The following UTRN variants were observed in gnomAD, a reference collection of about 807,000 sequenced individuals.
UTRN encodes the protein dystrophin-related protein 1.
Under a neutral mutation model 463.9 loss-of-function variants are expected in UTRN, and 283 were observed. The ratio of observed to expected loss-of-function variants is 0.61; its 90% CI spans 0.55 to 0.67. UTRN has a LOEUF of 0.67. UTRN is among the 30% of genes least tolerant of loss of function. The probability of loss-of-function intolerance (pLI) is 0.00; values close to 1 mark genes in which losing one functional copy is unlikely to be tolerated. For missense variants in UTRN, 3,922 were observed against 4,084.3 expected, an observed-to-expected ratio of 0.96 and a Z score of 1.08; for synonymous variants, 1,442 against 1,431.5, an observed-to-expected ratio of 1.01 and a Z score of -0.17.
chr6:144,419,593 C>T (rs1471718428), intron 3 of UTRN, among the ~76,000 whole-genome samples: 1 of 152,138 alleles, frequency 6.6e-6, no homozygotes, highest in Non-Finnish European at 1.5e-5. Flanking sequence ...ATTCGAGACC[C>T]AAACCTCAGT....
chr6:144,525,078 A>G lies in UTRN; in HGVS notation c.5906+1890A>G, dbSNP rs532190649. 5.3e-5 allele frequency among the ~76,000 whole-genome samples: 8 copies of G among 152,164 alleles called. No homozygotes were observed. The South Asian group carries it at 1.5e-3, about 28-fold the overall frequency. On this transcript the variant is annotated intron_variant, in intron 41 of 74. Transcript: ENST00000367545. ...TGGTTTATTGTCTTTTTGATATACT[A>G]TTGGATTCAGTTAGCTAGTATTTTG... is the stretch of plus-strand genomic sequence containing the variant.
intron 51 of UTRN, among the ~76,000 whole-genome samples, chr6:144,657,160 G>A (rs1779393126): frequency 6.8e-6 from 1 of 148,124 alleles, no homozygotes; most frequent in African/African-American, 2.5e-5. Flanking sequence ...TGAGGCAGGA[G>A]AATCGCTTGA....
intron 52 of UTRN, among the ~76,000 whole-genome samples, chr6:144,697,002 C>T (rs185443775): frequency 6.6e-6 from 1 of 152,134 alleles, no homozygotes; most frequent in East Asian, 1.9e-4. Context: ...GATGAAGTAC[C>T]ATTTTTATGG....
At chr6:144,374,488 A>C (rs184761234) in intron 2 of UTRN, among the ~76,000 whole-genome samples, 5 of 149,642 alleles carry the variant, frequency 3.3e-5, no homozygotes, top group African/African-American at 7.4e-5. Flanking sequence ...CTAAAAACAC[A>C]ATTTTTTTTT....
intron 63 of UTRN, among the ~76,000 whole-genome samples, chr6:144,795,358 A>G (rs9386082): frequency 0.11 from 16,423 of 152,200 alleles, 1,242 homozygotes; most frequent in East Asian, 0.45. Context: ...TTATAGTAGA[A>G]TGATTTATAA....
At chr6:144,473,255 G>T (rs899473000) in intron 23 of UTRN, among the ~76,000 whole-genome samples, 2 of 152,150 alleles carry the variant, frequency 1.3e-5, no homozygotes, top group Non-Finnish European at 2.9e-5. Flanking sequence ...GGACTGTCTT[G>T]AGTTCTCAGA....
chr6:144,710,092 C>G (rs2128703143), intron 53 of UTRN, among the ~76,000 whole-genome samples: 1 of 152,298 alleles, frequency 6.6e-6, no homozygotes, highest in Admixed American at 6.5e-5. Flanking sequence ...AAGCCCTGTG[C>G]TTGTGGTTTG....
At chr6:144,772,281 G>A (rs886926013) in intron 59 of UTRN, among the ~76,000 whole-genome samples, 73 of 152,002 alleles carry the variant, frequency 4.8e-4, no homozygotes, top group African/African-American at 1.5e-3. Context: ...CAATCCACCC[G>A]CCTCGGCCTC....
chr6:144,587,890 C>A (rs916374944), intron 51 of UTRN, among the ~76,000 whole-genome samples: 3 of 152,142 alleles, frequency 2.0e-5, no homozygotes, highest in Non-Finnish European at 4.4e-5. Context: ...AGAATTCCCA[C>A]TTGATCATAT....
chr6:144,764,534 A>G (rs1416582814), intron 58 of UTRN, among the ~76,000 whole-genome samples: 2 of 152,148 alleles, frequency 1.3e-5, no homozygotes, highest in African/African-American at 4.8e-5. Context: ...TTTTTAGGGT[A>G]AGGGATGCAG....
chr6:144,659,677 C>T (rs186789379), intron 51 of UTRN, among the ~76,000 whole-genome samples: 2,040 of 151,730 alleles, frequency 0.013, 42 homozygotes, highest in African/African-American at 0.047. Context: ...TCGAACTCTA[C>T]ATAAGTCATG....
rs12193726 is a variant in UTRN at position 144,489,667 on chromosome 6, G to T, written c.4135-404G>T. 3.8e-3 allele frequency among the ~76,000 whole-genome samples: 582 copies of T among 152,092 alleles called. 3 individuals are homozygous for T. Among genetic ancestry groups the T allele is most frequent in the African/African-American group, 0.014 (565 of 41,484 alleles). On this transcript the variant is annotated intron_variant, in intron 30 of 74. Coordinates refer to ENST00000367545, the MANE Select transcript of UTRN (RefSeq NM_007124.3). ...GACGGATTCTCACTCTGTTGCCCAG[G>T]CTAGAGTGCAGTGGCGCGATCTCGG... is the stretch of plus-strand genomic sequence containing the variant.
rs529514463 is a variant in UTRN, at chr6:144,432,703, T to C, written c.855+2962T>C. Reference sequence around the variant, plus strand: ...CTTTTTTTTTTTTAATATATATTTTTTATTGATCATTCTTGGGTGTTTCTC... The same window carrying C: ...CTTTTTTTTTTTTAATATATATTTTCTATTGATCATTCTTGGGTGTTTCTC... On this transcript the variant is annotated intron_variant, in intron 9 of 74. Transcript: ENST00000367545. Among the ~76,000 whole-genome samples, 447 of 152,202 alleles carry C rather than the reference T, an allele frequency of 2.9e-3. 3 individuals carry two copies. The highest frequency in any genetic ancestry group is 3.9e-3 in the Non-Finnish European group (264 of 68,008).
At chr6:144,645,445 C>T (rs1411247462) in intron 51 of UTRN, among the ~76,000 whole-genome samples, 2 of 152,142 alleles carry the variant, frequency 1.3e-5, no homozygotes, top group African/African-American at 2.4e-5. Context: ...TTGGGCTTTC[C>T]TCTTAGTTCA....
In UTRN at chr6:144,678,386, A is replaced by G. The variant is rs1175294774; in HGVS notation, c.7480-20A>G. 8.1e-6 allele frequency: 13 copies of G among 1,604,552 alleles called. No homozygotes were observed. In the Admixed American group the frequency reaches 1.9e-4, roughly 23 times the overall value. ...CTGATTCCTAACACTTGCATTATCT[A>G]TTTGCTTTTTTCTGTTTAGGACATC... On this transcript the variant is annotated intron_variant, in intron 51 of 74. Transcript: ENST00000367545.
At chr6:144,655,441 A>G (rs563960703) in intron 51 of UTRN, among the ~76,000 whole-genome samples, 1 of 152,364 alleles carries the variant, frequency 6.6e-6, no homozygotes, top group East Asian at 1.9e-4. Flanking sequence ...AGAATTGTGT[A>G]TATTTCTTTC....
At chr6:144,374,034 A>T (rs1274608421) in intron 2 of UTRN, among the ~76,000 whole-genome samples, 1 of 152,178 alleles carries the variant, frequency 6.6e-6, no homozygotes, top group Non-Finnish European at 1.5e-5. Flanking sequence ...TTCTTGGCAG[A>T]TCATATGGCA....
intron 44 of UTRN, among the ~76,000 whole-genome samples, chr6:144,538,465 C>A (rs983518839): frequency 1.3e-5 from 2 of 151,206 alleles, no homozygotes; most frequent in African/African-American, 2.4e-5. Context: ...GTCATGAGAT[C>A]GAGACCATCT....
At chr6:144,822,944 C>T (rs539644114) in intron 66 of UTRN, among the ~76,000 whole-genome samples, 5 of 152,210 alleles carry the variant, frequency 3.3e-5, no homozygotes, top group African/African-American at 1.2e-4. Flanking sequence ...ACACGCTTTA[C>T]AGGAATCATG....
Sources: gnomAD v4.1 joint callset for allele counts (sites outside exome capture counted in the v4.1 genomes callset) on GRCh38, gnomAD v4.1.1 for gene constraint, MANE v1.5 for transcripts, NCBI Gene and HGNC (gene_info 2026-07-23, HGNC 2026-07-21) for gene names.